Variants in PCM1 observed in about 807,000 individuals in gnomAD.
PCM1 encodes the protein pericentriolar material 1, also known as pericentriolar material 1 protein.
In PCM1, 157 loss-of-function variants were observed where a neutral mutation model predicts 241.9. The ratio of observed to expected loss-of-function variants is 0.65; its 90% CI spans 0.57 to 0.74. PCM1 has a LOEUF of 0.74. PCM1 is among the 30% of genes least tolerant of loss of function. The pLI, the probability that PCM1 is intolerant of heterozygous loss-of-function variation, is 0.00. For missense variants in PCM1, 3,478 were observed against 2,360.1 expected, an observed-to-expected ratio of 1.47 and a Z score of -9.81; for synonymous variants, 1,085 against 784.9, an observed-to-expected ratio of 1.38 and a Z score of -6.39.
At chr8:17,932,316 G>A (rs777286785) in intron 2 of PCM1, among the ~76,000 whole-genome samples, 19 of 152,026 alleles carry the variant, frequency 1.2e-4, no homozygotes, top group African/African-American at 3.9e-4. Context: ...GAATTACTGC[G>A]TCAAAAATTC....
At position 17,936,353 on chromosome 8, in the gene PCM1, A is replaced by T. The variant is rs1015035458; in HGVS notation, c.96+647A>T. 2.0e-5 allele frequency among the ~76,000 whole-genome samples: 3 copies of T among 152,178 alleles called. No individual in the cohort carries two copies. The South Asian group carries it at 6.2e-4, about 31-fold the overall frequency. ...TAAAGAAGGGGGTTTTGTTAAAATA[A>T]GGAAAATATCCCAAGTGGTTTACTA... On this transcript the variant is annotated intron_variant, in intron 3 of 38. Transcript: ENST00000325083.
In PCM1 at chr8:18,014,831, G is replaced by A; in HGVS notation, c.5832G>A (p.Val1944=). 6.3e-7 allele frequency: 1 copy of A among 1,595,806 alleles called. No individual in the cohort carries two copies. Among genetic ancestry groups the A allele is most frequent in the Non-Finnish European group, 8.5e-7 (1 of 1,175,056 alleles). ...CTGATACTGAATCTCCAGTGTTAGT[G>A]AATGACTATGTATGTATCATTTACA... is the stretch of plus-strand genomic sequence containing the variant. ...GSPDTESPVL[V]NDYEAESGNI... is the part of the protein sequence containing the mutation. The change falls in exon 36 of 39, where the codon GTG becomes GTA. Residue 1944 remains valine, a synonymous_variant. Transcript: ENST00000325083.
intron 6 of PCM1, among the ~76,000 whole-genome samples, chr8:17,945,629 T>G (rs528491317): frequency 6.5e-4 from 99 of 152,330 alleles, no homozygotes; most frequent in African/African-American, 2.1e-3. Context: ...CAGTTACTCA[T>G]GCTCATTCAC....
Position 17,969,594 on chromosome 8 carries a change from T to G in PCM1, c.3430T>G (p.Leu1144Val). The G allele has an allele frequency of 1.9e-6, 3 of 1,608,756 alleles. No individual in the cohort carries two copies. Among genetic ancestry groups the G allele is most frequent in the Non-Finnish European group, 2.5e-6 (3 of 1,177,182 alleles). Residue 1144 changes from leucine to valine, a missense_variant, in exon 22 of 39, where the codon TTA becomes GTA. Coordinates refer to ENST00000325083, the MANE Select transcript of PCM1 (RefSeq NM_006197.4). The stretch of plus-strand genomic sequence containing the variant: ...CTGATTAGGTATGAATTTCAGCCCT[T>G]TATTTCCTTCTAATTTTGGAGATTT... Reference protein sequence around the residue: ...SFAPGMNFSPLFPSNFGDFSQ... With the variant: ...SFAPGMNFSPVFPSNFGDFSQ...
At chr8:17,967,779 G>A (rs537133712) in intron 21 of PCM1, among the ~76,000 whole-genome samples, 23 of 152,208 alleles carry the variant, frequency 1.5e-4, no homozygotes, top group Non-Finnish European at 2.6e-4. Flanking sequence ...GAATAAGACA[G>A]TGCTCTCCTA....
intron 30 of PCM1, 74 bp from the exon 31 acceptor site, chr8:18,009,473 A>G (rs915624233): frequency 5.3e-6 from 5 of 938,016 alleles, no homozygotes; most frequent in Non-Finnish European, 6.5e-6. Flanking sequence ...TAAGTTTTTC[A>G]GTACTTAAAA....
chr8:17,929,716 A>C (rs1160679200), intron 2 of PCM1, among the ~76,000 whole-genome samples: 1 of 152,158 alleles, frequency 6.6e-6, no homozygotes, highest in African/African-American at 2.4e-5. Flanking sequence ...TGTGTGGGAT[A>C]CCTTCCAGAG....
chr8:17,927,790 C>T (rs917624778), intron 2 of PCM1: 1 of 150,794 alleles, frequency 6.6e-6, no homozygotes, highest in Non-Finnish European at 1.5e-5. Flanking sequence ...ACCTCGTGAT[C>T]CGCCCGCCTC....
Position 17,957,707 on chromosome 8 carries a change from A to G in PCM1, c.1972A>G (p.Lys658Glu), listed in dbSNP as rs765067975. The G allele has an allele frequency of 5.0e-6, 8 of 1,613,314 alleles. No individual in the cohort carries two copies. The highest frequency in any genetic ancestry group is 6.8e-6 in the Non-Finnish European group (8 of 1,179,684). ...EHPEDAEFEQ[K>E]INRLMAAKQK... The stretch of plus-strand genomic sequence containing the variant: ...TCCAGAAGATGCTGAATTTGAACAG[A>G]AGATCAACCGACTTATGGCTGCAAA... Residue 658 changes from lysine to glutamate, a missense_variant, in exon 13 of 39, where the codon AAG (lysine) becomes GAG (glutamate). By Grantham distance (56) the Lys-to-Glu change is moderately conservative. Transcript: ENST00000325083.
intron 2 of PCM1, among the ~76,000 whole-genome samples, chr8:17,934,491 C>A (rs1479337073): frequency 1.3e-5 from 2 of 152,060 alleles, no homozygotes; most frequent in East Asian, 3.9e-4. Flanking sequence ...GAACTCCTGA[C>A]CTCAAGTGAT....
At chr8:17,935,762 T>C in intron 3 of PCM1, 56 bp downstream of exon 3, 2 of 847,408 alleles carry the variant, frequency 2.4e-6, no homozygotes, top group Middle Eastern at 2.2e-4. Flanking sequence ...AAAATGCAGT[T>C]TTCCCCCTGA....
chr8:17,939,342 A>T (rs933123941), intron 5 of PCM1, among the ~76,000 whole-genome samples: 6 of 152,186 alleles, frequency 3.9e-5, no homozygotes, highest in Admixed American at 1.3e-4. Flanking sequence ...TTCTTTTGAA[A>T]AGTTGTAAAA....
intron 10 of PCM1, chr8:17,956,100 G>A (rs1182990289): frequency 2.4e-5 from 5 of 204,496 alleles, no homozygotes; most frequent in South Asian, 7.9e-5. Flanking sequence ...AAACGTTGGC[G>A]CAGTTCCTGG....
chr8:17,957,380 C>T lies in PCM1; in HGVS notation c.1763C>T (p.Ser588Phe). 1 of 1,612,612 alleles carries T rather than the reference C, an allele frequency of 6.2e-7. No individual in the cohort carries two copies. The highest frequency in any genetic ancestry group is 8.5e-7 in the Non-Finnish European group (1 of 1,178,936). Residue 588 changes from serine to phenylalanine, a missense_variant, in exon 12 of 39, where the codon TCT (serine) becomes TTT (phenylalanine). By Grantham distance (155) the Ser-to-Phe change is radical. Coordinates refer to ENST00000325083, the MANE Select transcript of PCM1 (RefSeq NM_006197.4). ...VNSNCEINNR[S>F]AANIRALNMP... ...TCTAATTGTGAAATTAACAACAGAT[C>T]TGCTGCCAACATAAGGGCTCTAAAC...
intron 36 of PCM1, among the ~76,000 whole-genome samples, chr8:18,018,846 G>GTATATATA (rs1482448115): frequency 1.7e-5 from 1 of 60,014 alleles, no homozygotes; most frequent in Non-Finnish European, 3.8e-5. Flanking sequence ...ATATGTGTGT[G>GTATATATA]TGTGTGTATA....
chr8:17,966,166 A>C lies in PCM1; in HGVS notation c.3023A>C (p.Lys1008Thr), dbSNP rs1219617308. ...QWQEQINQLK[K>T]QLDFSVSICQ... ...CAAGAACAAATCAATCAGCTAAAGA[A>C]ACAGCTTGATTTTAGTGTCAGTATT... Residue 1008 changes from lysine to threonine, a missense_variant, in exon 19 of 39, where the codon AAA becomes ACA. Physicochemically the swap from Lys to Thr is moderately conservative, Grantham distance 78. Coordinates refer to ENST00000325083, the MANE Select transcript of PCM1 (RefSeq NM_006197.4). 1 of 1,613,872 alleles carries C rather than the reference A, an allele frequency of 6.2e-7. No individual in the cohort carries two copies. Among genetic ancestry groups the C allele is most frequent in the Non-Finnish European group, 8.5e-7 (1 of 1,179,866 alleles).
intron 6 of PCM1, among the ~76,000 whole-genome samples, chr8:17,943,628 T>C (rs553785804): frequency 1.2e-4 from 19 of 152,330 alleles, no homozygotes; most frequent in African/African-American, 4.6e-4. Flanking sequence ...TTGAATTCTC[T>C]TCTTGGCATT....
chr8:17,992,570 T>C (rs2085066851), intron 28 of PCM1, among the ~76,000 whole-genome samples: 5 of 152,090 alleles, frequency 3.3e-5, no homozygotes, highest in Admixed American at 3.3e-4. Flanking sequence ...TGTGTCTTCT[T>C]TTGAGAGGAG....
chr8:17,935,722 C>A lies in PCM1; in HGVS notation c.96+16C>A. ...CAACAATATGGTATGATTCCTTACT[C>A]TTCATGGTGTGTTGTTGGCTATTAA... On this transcript the variant is annotated intron_variant, in intron 3 of 38. Transcript: ENST00000325083. 2.7e-6 allele frequency: 3 copies of A among 1,130,982 alleles called. No homozygotes were observed. The highest frequency in any genetic ancestry group is 4.0e-6 in the Non-Finnish European group (3 of 741,120). 70.1% of individuals were successfully genotyped at this position (1,130,982 alleles called of 1,614,324 possible).
Sources: allele counts gnomAD v4.1 joint callset (sites outside exome capture counted in the v4.1 genomes callset), GRCh38; gene constraint gnomAD v4.1.1; transcripts MANE v1.5; gene names NCBI Gene and HGNC (gene_info 2026-07-23, HGNC 2026-07-21).